Variants in PALD1 observed in about 807,000 individuals in gnomAD.
The protein encoded by PALD1 is paladin.
PALD1 carries 57 observed loss-of-function variants against 96.0 expected under a neutral mutation model. The observed-to-expected ratio is 0.59, with a 90% CI of 0.48 to 0.74. The LOEUF is 0.74. Among genes scored for constraint, PALD1 ranks in the 30% least tolerant of loss-of-function variants. The pLI is 0.00. For missense variants in PALD1, 1,063 were observed against 1,143.7 expected (o/e 0.93, Z 1.02); for synonymous variants, 464 against 473.6 (o/e 0.98, Z 0.26).
chr10:70,516,797 A>G (rs1302422417), intron 1 of PALD1, among the ~76,000 whole-genome samples: 1 of 151,994 alleles, frequency 6.6e-6, no homozygotes, highest in Non-Finnish European at 1.5e-5. Context: ...GGGCTCAAGC[A>G]ATCCTCCTGA....
rs111850326 is a variant in PALD1 at position 70,508,784 on chromosome 10, CGTGTGTGTGTGT to C, written c.-29-17115_-29-17104del. On this transcript the variant is annotated intron_variant, in intron 1 of 19. Transcript: ENST00000263563. ...CAGGGTGGGTTTCGACTCTGTATGG[CGTGTGTGTGTGT>C]GTGTGTGTGTGTGTGTGTGTGTGCA... 3.1e-4 allele frequency among the ~76,000 whole-genome samples: 31 copies of C among 100,012 alleles called. 1 individual carries two copies. The highest frequency in any genetic ancestry group is 6.1e-3 in the Middle Eastern group (1 of 164). The allele number at this position is 100,012 out of a possible 152,430, so 65.6% of individuals were successfully genotyped here. A position where few individuals can be genotyped will look rare whatever the true frequency, so the allele number is the denominator to read the frequency against.
chr10:70,547,246 T>G, intron 17 of PALD1, 60 bp from the exon 18 acceptor site: 1 of 1,534,820 alleles, frequency 6.5e-7, no homozygotes, highest in Non-Finnish European at 9.0e-7. Context: ...GCAAGCCTGG[T>G]GCTTGGGCTG....
intron 1 of PALD1, among the ~76,000 whole-genome samples, chr10:70,496,058 C>A (rs1038404333): frequency 6.7e-6 from 1 of 148,512 alleles, no homozygotes; most frequent in Non-Finnish European, 1.5e-5. Flanking sequence ...AACAACAAAA[C>A]CTGGTTAACC....
chr10:70,530,544 C>G (rs189269537), intron 4 of PALD1, among the ~76,000 whole-genome samples: 1 of 152,274 alleles, frequency 6.6e-6, no homozygotes, highest in Admixed American at 6.5e-5. Context: ...AAGACCCAAA[C>G]CCAGGCAGCT....
intron 8 of PALD1, 131 bp from the exon 9 acceptor site, chr10:70,534,294 T>A: frequency 1.3e-6 from 1 of 765,236 alleles, no homozygotes; most frequent in Admixed American, 2.7e-5. Context: ...TGTCCCCTGC[T>A]TCCCACAATG....
At chr10:70,519,221 G>C (rs572158036) in intron 1 of PALD1, among the ~76,000 whole-genome samples, 5 of 152,192 alleles carry the variant, frequency 3.3e-5, no homozygotes, top group Admixed American at 6.5e-5. Context: ...GGGATTACAG[G>C]TGTGAGCTAC....
At chr10:70,476,789 C>T (rs974461808), upstream of PALD1, among the ~76,000 whole-genome samples, 10 of 152,100 alleles carry the variant, frequency 6.6e-5, no homozygotes, top group African/African-American at 1.2e-4. Context: ...ACAGGTCAGG[C>T]ACAGGTAGGA....
intron 1 of PALD1, among the ~76,000 whole-genome samples, chr10:70,512,298 T>G (rs1040309054): frequency 1.3e-5 from 2 of 151,666 alleles, no homozygotes; most frequent in African/African-American, 4.9e-5. Flanking sequence ...CATTGTGAGA[T>G]TTTTGATTAA....
intron 19 of PALD1, among the ~76,000 whole-genome samples, chr10:70,564,846 C>A (rs1263794614): frequency 2.0e-5 from 3 of 152,232 alleles, no homozygotes; most frequent in Admixed American, 1.3e-4. Flanking sequence ...GCCACCCTTG[C>A]GTGCATGACA....
In PALD1 at chr10:70,538,895, G is replaced by A. The variant is rs139547365; in HGVS notation, c.1456G>A (p.Glu486Lys). The A allele has an allele frequency of 2.0e-5, 33 of 1,612,968 alleles. No individual in the cohort carries two copies. The highest frequency in any genetic ancestry group is 2.6e-5 in the Non-Finnish European group (31 of 1,179,652). ...AGGCTTGGTGCTCTCCCCACAGCGG[G>A]AGGACGATCTGGTCTCCCCGGACGC... ...RDLIARGSLR[E>K]DDLVSPDALS... The change falls in exon 13 of 20, where the codon GAG becomes AAG. Residue 486 changes from glutamate (E) to lysine (K), a missense_variant. By Grantham distance (56) the Glu-to-Lys change is moderately conservative (BLOSUM62 1). Transcript: ENST00000263563.
Position 70,500,849 on chromosome 10 carries a change from AG to A in PALD1, c.-30+21794del, listed in dbSNP as rs112387581. Among the ~76,000 whole-genome samples the A allele has an allele frequency of 8.5e-3, 1,294 of 152,206 alleles. 17 individuals are homozygous for A. Among genetic ancestry groups the A allele is most frequent in the African/African-American group, 0.029 (1,220 of 41,538 alleles). ...CTTAGGGTTAAGTTCCTCCCATGCCAGGGGCGGAAGTGAAGAGGACAATGTG... is the reference window on the plus strand; with the variant it reads ...CTTAGGGTTAAGTTCCTCCCATGCCAGGGCGGAAGTGAAGAGGACAATGTG... On this transcript the variant is annotated intron_variant, in intron 1 of 19. Transcript: ENST00000263563.
At chr10:70,550,329 G>A (rs1220275762) in intron 18 of PALD1, among the ~76,000 whole-genome samples, 1 of 152,136 alleles carries the variant, frequency 6.6e-6, no homozygotes, top group Non-Finnish European at 1.5e-5. Flanking sequence ...CAGCTTTAGT[G>A]GGCTTCAGAA....
intron 1 of PALD1, among the ~76,000 whole-genome samples, chr10:70,516,778 C>G (rs1053840505): frequency 6.6e-6 from 1 of 151,896 alleles, no homozygotes; most frequent in Non-Finnish European, 1.5e-5. Context: ...AGGCTGGTCT[C>G]AAATTCCTGG....
At chr10:70,534,703 C>G (rs536296823) in intron 9 of PALD1, 36 bp from the exon 10 acceptor site, 19 of 1,347,554 alleles carry the variant, frequency 1.4e-5, no homozygotes, top group South Asian at 8.4e-5. Flanking sequence ...CCCACCCCCC[C>G]ACCTCCCTCT....
At chr10:70,498,447 C>T (rs1846233202) in intron 1 of PALD1, among the ~76,000 whole-genome samples, 1 of 152,020 alleles carries the variant, frequency 6.6e-6, no homozygotes, top group South Asian at 2.1e-4. Flanking sequence ...CCTGGCTAAT[C>T]TTTAAAATTA....
intron 18 of PALD1, among the ~76,000 whole-genome samples, chr10:70,554,922 C>CCTCCTCCCCCTCCCT (rs1847564246): frequency 4.6e-5 from 1 of 21,678 alleles, no homozygotes; most frequent in Non-Finnish European, 9.4e-5. Context: ...CTCTCCTCCC[C>CCTCCTCCCCCTCCCT]TCCCCCTCCT....
At position 70,540,285 on chromosome 10, in the gene PALD1, A is replaced by ATG. The variant is rs914680945; in HGVS notation, c.1908+536_1908+537dup. Among the ~76,000 whole-genome samples the ATG allele has an allele frequency of 4.0e-5, 6 of 149,306 alleles. No homozygotes were observed. The highest frequency in any genetic ancestry group is 4.3e-4 in the South Asian group (2 of 4,646). On this transcript the variant is annotated intron_variant, in intron 15 of 19. Transcript: ENST00000263563. This position sits in a 1 kb window ranked among gnomAD's most constrained non-coding sequence, Gnocchi z 4.2. Reference sequence around the variant, plus strand: ...ATGGAGTGTGTGGGTGGTGTGTGGAATGTGTGTGTGTGTGCATGTCTTTTT... The same window carrying ATG: ...ATGGAGTGTGTGGGTGGTGTGTGGAATGTGTGTGTGTGTGTGCATGTCTTTTT...
chr10:70,493,397 ACAGTGATGTCTG>A, intron 1 of PALD1, among the ~76,000 whole-genome samples: 1 of 152,246 alleles, frequency 6.6e-6, no homozygotes, highest in East Asian at 1.9e-4. Flanking sequence ...GGCTCTGCGG[ACAGTGATGTCTG>A]CAGTGGGTCA....
rs1388280075 is a variant in PALD1, at chr10:70,566,742, A to G, written c.*9A>G. 1 of 1,564,294 alleles carries G rather than the reference A, an allele frequency of 6.4e-7. No individual in the cohort carries two copies. ...CCGAGGACTTGCTGTAGGGGGCCTT[A>G]CTCCCTGTCCCCCCACCCACAGGGC... is the stretch of plus-strand genomic sequence containing the variant. On this transcript the variant is annotated 3_prime_UTR_variant, in exon 20 of 20. Transcript: ENST00000263563.
Sources: allele counts gnomAD v4.1 joint callset (sites outside exome capture counted in the v4.1 genomes callset), GRCh38; gene constraint gnomAD v4.1.1; non-coding constraint Gnocchi (gnomAD v3.1); transcripts MANE v1.5; gene names NCBI Gene and HGNC (gene_info 2026-07-23, HGNC 2026-07-21).